The following IGFN1 variants were observed in gnomAD, a reference collection of about 807,000 sequenced individuals.
The protein encoded by IGFN1 is immunoglobulin like and fibronectin type III domain containing 1.
A neutral mutation model predicts 289.5 loss-of-function variants in IGFN1; 253 were observed. The ratio of observed to expected loss-of-function variants is 0.87; its 90% confidence interval spans 0.79 to 0.97. IGFN1 has a LOEUF of 0.97. IGFN1 is among the 50% of genes least tolerant of loss of function. IGFN1 has a pLI of 0.00. For missense variants in IGFN1, 4,470 were observed against 4,686.1 expected, an observed-to-expected ratio of 0.95 and a Z score of 1.35; for synonymous variants, 1,706 against 1,788.5, an observed-to-expected ratio of 0.95 and a Z score of 1.16.
Position 201,207,919 on chromosome 1 carries a change from A to T in IGFN1, c.3026A>T (p.Tyr1009Phe). The change falls in exon 12 of 24, where the codon TAC becomes TTC. Residue 1009 changes from tyrosine (Y) to phenylalanine (F), a missense_variant. Physicochemically the swap from Tyr to Phe is conservative, Grantham distance 22. Transcript: ENST00000335211. ...AGVESEEGGG[Y>F]RHGSGAPGGV... ...GTGGAGTCTGAGGAAGGGGGTGGGT[A>T]CAGGCATGGCTCCGGAGCGCCTGGG... 2 of 1,536,670 alleles carry T rather than the reference A, an allele frequency of 1.3e-6. No homozygotes were observed. Among genetic ancestry groups the T allele is most frequent in the Non-Finnish European group, 1.7e-6 (2 of 1,146,732 alleles).
In IGFN1 at chr1:201,211,406, G is replaced by A; in HGVS notation, c.6513G>A (p.Gly2171=). Residue 2171 remains glycine, a synonymous_variant, in exon 12 of 24, where the codon GGG becomes GGA. Coordinates refer to ENST00000335211, the MANE Select transcript of IGFN1 (RefSeq NM_001164586.2). ...RDGLGSSGEM[G]SMDEAGYRKD... is the part of the protein sequence containing the mutation. ...GTTTAGGGAGTTCTGGGGAAATGGG[G>A]TCAATGGATGAGGCAGGTTATAGGA... The A allele has an allele frequency of 1.3e-6, 2 of 1,492,528 alleles. No homozygotes were observed. Among genetic ancestry groups the A allele is most frequent in the South Asian group, 2.5e-5 (2 of 79,974 alleles). 92.5% of individuals were successfully genotyped at this position (1,492,528 alleles called of 1,614,324 possible).
rs1667897069 is a variant in IGFN1, at chr1:201,212,925, C to A, written c.8032C>A (p.Pro2678Thr). 4 of 1,551,360 alleles carry A rather than the reference C, an allele frequency of 2.6e-6. No homozygotes were observed. The African/African-American group carries it at 5.5e-5, about 21-fold the overall frequency. Residue 2678 changes from proline (P) to threonine (T), a missense_variant, in exon 12 of 24, where the codon CCA becomes ACA. By Grantham distance (38) the Pro-to-Thr change is conservative. Transcript: ENST00000335211. ...GGGCTTTAAGGGTGGGGAGGGTGCACCAGGCCAAGAGGCGGCTGGTGGATG... is the reference window on the plus strand; with the variant it reads ...GGGCTTTAAGGGTGGGGAGGGTGCAACAGGCCAAGAGGCGGCTGGTGGATG... ...PGGFKGGEGA[P>T]GQEAAGGCRS...
At position 201,208,416 on chromosome 1, in the gene IGFN1, G is replaced by A; in HGVS notation, c.3523G>A (p.Ala1175Thr). Residue 1175 changes from alanine to threonine, a missense_variant, in exon 12 of 24, where the codon GCC becomes ACC. Transcript: ENST00000335211. ...TGGGACAAGATGCCCTGGTGCTAAG[G>A]CCTCTGGAGCTGGAGCTGGTTATAG... ...GDGTRCPGAK[A>T]SGAGAGYRDD... 1 of 1,448,110 alleles carries A rather than the reference G, an allele frequency of 6.9e-7. No individual in the cohort carries two copies. The highest frequency in any genetic ancestry group is 9.0e-7 in the Non-Finnish European group (1 of 1,108,116). 89.7% of individuals were successfully genotyped at this position (1,448,110 alleles called of 1,614,324 possible). A position where few individuals can be genotyped will look rare whatever the true frequency, so the allele number is the denominator to read the frequency against.
chr1:201,200,268 C>A lies in IGFN1; in HGVS notation c.490C>A (p.Leu164Ile). ...APPAPKKKMDLEQIWQLLMTA... is the reference protein window; with the variant it reads ...APPAPKKKMDIEQIWQLLMTA... ...ACCAGCCCCCAAGAAAAAGATGGACCTTGAGCAGATATGGCAGCTGCTGAT... is the reference window on the plus strand; with the variant it reads ...ACCAGCCCCCAAGAAAAAGATGGACATTGAGCAGATATGGCAGCTGCTGAT... Residue 164 changes from leucine (L) to isoleucine (I), a missense_variant, in exon 8 of 24, where the codon CTT (leucine) becomes ATT (isoleucine). Coordinates refer to ENST00000335211, the MANE Select transcript of IGFN1 (RefSeq NM_001164586.2). 3 of 1,551,828 alleles carry A rather than the reference C, an allele frequency of 1.9e-6. No individual in the cohort carries two copies. Among genetic ancestry groups the A allele is most frequent in the Non-Finnish European group, 2.6e-6 (3 of 1,147,002 alleles).
intron 23 of IGFN1, among the ~76,000 whole-genome samples, 200 bp from the exon 24 acceptor site, chr1:201,228,186 G>C (rs1654235315): frequency 6.6e-6 from 1 of 152,192 alleles, no homozygotes; most frequent in South Asian, 2.1e-4. Context: ...TGGCATTGGG[G>C]GTGATTATGG....
chr1:201,199,244 C>T (rs1667046689), intron 5 of IGFN1, 90 bp from the exon 6 acceptor site: 1 of 1,118,860 alleles, frequency 8.9e-7, no homozygotes, highest in South Asian at 1.3e-5. Flanking sequence ...TCTGGGACTC[C>T]ATCAGTTTCT....
chr1:201,218,591 T>G lies in IGFN1; in HGVS notation c.9831T>G (p.Ala3277=). The G allele has an allele frequency of 6.2e-7, 1 of 1,613,152 alleles. No individual in the cohort carries two copies. Among genetic ancestry groups the G allele is most frequent in the South Asian group, 1.1e-5 (1 of 91,048 alleles). The change falls in exon 18 of 24, where the codon GCT becomes GCG. Residue 3277 remains alanine, a synonymous_variant. Coordinates refer to ENST00000335211, the MANE Select transcript of IGFN1 (RefSeq NM_001164586.2). The stretch of plus-strand genomic sequence containing the variant: ...GTCAGTATGAGTTCCGGGTCACAGC[T>G]GTGGCTCCCTCAGGTCCCGGAGAGC... ...QGCQYEFRVT[A]VAPSGPGEPG...
Position 201,207,929 on chromosome 1 carries a change from C to G in IGFN1, c.3036C>G (p.Gly1012=), listed in dbSNP as rs1021934475. 2.3e-5 allele frequency: 36 copies of G among 1,536,550 alleles called. No homozygotes were observed. In the Admixed American group the frequency reaches 6.9e-4, roughly 29 times the overall value. Residue 1012 remains glycine (G), a synonymous_variant, in exon 12 of 24, where the codon GGC becomes GGG. Coordinates refer to ENST00000335211, the MANE Select transcript of IGFN1 (RefSeq NM_001164586.2). ...AGGAAGGGGGTGGGTACAGGCATGG[C>G]TCCGGAGCGCCTGGGGGAGTGTGGT... ...ESEEGGGYRH[G]SGAPGGVWSG... is the part of the protein sequence containing the mutation.
intron 9 of IGFN1, 68 bp from the exon 10 acceptor site, chr1:201,203,670 A>G: frequency 6.9e-7 from 1 of 1,450,768 alleles, no homozygotes; most frequent in Non-Finnish European, 9.4e-7. Context: ...TTATAGCCAG[A>G]ATGGGACTGG....
chr1:201,196,607 A>C (rs909540948), intron 4 of IGFN1, among the ~76,000 whole-genome samples: 1 of 152,188 alleles, frequency 6.6e-6, no homozygotes, highest in Non-Finnish European at 1.5e-5. Flanking sequence ...GGCATCCCAA[A>C]GTGCTGGGAT....
At position 201,203,795 on chromosome 1, in the gene IGFN1, C is replaced by G; in HGVS notation, c.805C>G (p.Leu269Val). 1 of 1,551,712 alleles carries G rather than the reference C, an allele frequency of 6.4e-7. No individual in the cohort carries two copies. Among genetic ancestry groups the G allele is most frequent in the Non-Finnish European group, 8.7e-7 (1 of 1,147,032 alleles). ...NNQTKHCLRR[L>V]GKRYEFQIQD... ...CCAAACCAAGCACTGTCTGCGCCGGCTGGGGAAGCGCTATGAGTTCCAGAT... is the reference window on the plus strand; with the variant it reads ...CCAAACCAAGCACTGTCTGCGCCGGGTGGGGAAGCGCTATGAGTTCCAGAT... The change falls in exon 10 of 24, where the codon CTG becomes GTG. Residue 269 changes from leucine to valine, a missense_variant. By Grantham distance (32) the Leu-to-Val change is conservative (BLOSUM62 1). This residue lies in a region of IGFN1 where 2,011 missense variants were observed against 1,953.4 expected (regional missense o/e 1.03). Coordinates refer to ENST00000335211, the MANE Select transcript of IGFN1 (RefSeq NM_001164586.2).
rs1304571006 is a variant in IGFN1, at chr1:201,207,301, C to T, written c.2408C>T (p.Ser803Leu). 2.4e-5 allele frequency: 37 copies of T among 1,536,518 alleles called. No individual in the cohort carries two copies. The highest frequency in any genetic ancestry group is 8.2e-5 in the African/African-American group (6 of 73,002). ...GRDGQETAWASGEVEYDPRSF... is the reference protein window; with the variant it reads ...GRDGQETAWALGEVEYDPRSF... ...GATGGCCAGGAAACAGCTTGGGCCT[C>T]GGGTGAGGTAGAGTATGACCCCAGA... The change falls in exon 12 of 24, where the codon TCG becomes TTG. Residue 803 changes from serine (S) to leucine (L), a missense_variant. Physicochemically the swap from Ser to Leu is moderately radical, Grantham distance 145. Transcript: ENST00000335211.
At chr1:201,218,699 A>T (rs751618966) in intron 18 of IGFN1, 41 bp downstream of exon 18, 2 of 1,581,822 alleles carry the variant, frequency 1.3e-6, no homozygotes, top group African/African-American at 1.3e-5. Context: ...GGAGGTGAGC[A>T]TGGGATAGCC....
In IGFN1 at chr1:201,212,285, C is replaced by T. The variant is rs1042203951; in HGVS notation, c.7392C>T (p.Thr2464=). 1.4e-5 allele frequency: 21 copies of T among 1,536,170 alleles called. No individual in the cohort carries two copies. The highest frequency in any genetic ancestry group is 1.7e-4 in the Middle Eastern group (1 of 6,008). ...CTCTTTCAGATGAGCGAGGCTCCAC[C>T]AAAGATCTTGGGGGCTATGGAACTT... ...RQTLSDERGS[T]KDLGGYGTSG... is the part of the protein sequence containing the mutation. The change falls in exon 12 of 24, where the codon ACC becomes ACT. Residue 2464 remains threonine (T), a synonymous_variant. Transcript: ENST00000335211.
rs1177382270 is a variant in IGFN1, at chr1:201,218,658, A to T, written c.9898A>T (p.Arg3300Ter). The change falls in exon 18 of 24, where the codon AGA becomes TGA. Residue 3300 changes from arginine (R) to a stop codon, truncating the protein, a stop_gained and splice_region_variant. Transcript: ENST00000335211. LOFTEE classifies it high-confidence loss of function. ...TGCTGTCTTTGCTCGGGACCCCATG[A>T]GTAAGTAGGGCACCAACCCAGGATG... ...SDAVFARDPM[R>*]PPGLVRNLQV... 23 of 1,602,650 alleles carry T rather than the reference A, an allele frequency of 1.4e-5. No homozygotes were observed. Among genetic ancestry groups the T allele is most frequent in the Non-Finnish European group, 2.0e-5 (23 of 1,178,458 alleles).
intron 2 of IGFN1, 92 bp downstream of exon 2, chr1:201,193,392 G>A: frequency 1.1e-6 from 1 of 872,282 alleles, no homozygotes; most frequent in Non-Finnish European, 1.8e-6. Context: ...AGAGATTTCT[G>A]GGAACTTGCC....
chr1:201,218,531 G>A lies in IGFN1; in HGVS notation c.9771G>A (p.Glu3257=). 1 of 1,612,330 alleles carries A rather than the reference G, an allele frequency of 6.2e-7. No homozygotes were observed. Among genetic ancestry groups the A allele is most frequent in the Non-Finnish European group, 8.5e-7 (1 of 1,179,382 alleles). ...WTAVNDQPVP[E]RRWTVADVRQ... is the part of the protein sequence containing the mutation. The stretch of plus-strand genomic sequence containing the variant: ...CTCACATGGGCGGGCTGTTCACAGA[G>A]AGGAGGTGGACGGTGGCGGACGTGC... The change falls in exon 18 of 24, where the codon GAG becomes GAA. Residue 3257 remains glutamate, a splice_region_variant and synonymous_variant. Transcript: ENST00000335211.
rs1667753755 is a variant in IGFN1 at position 201,211,129 on chromosome 1, G to A, written c.6236G>A (p.Gly2079Glu). 6.5e-7 allele frequency: 1 copy of A among 1,529,032 alleles called. No individual in the cohort carries two copies. Among genetic ancestry groups the A allele is most frequent in the South Asian group, 1.2e-5 (1 of 83,766 alleles). 94.7% of individuals were successfully genotyped at this position (1,529,032 alleles called of 1,614,324 possible). A position where few individuals can be genotyped will look rare whatever the true frequency, so the allele number is the denominator to read the frequency against. ...AGGAAGGATTTAGGGGCTCCTAAGG[G>A]AATGGGTTCAGGGAGTAAGACAGGT... The part of the protein sequence containing the change: ...GYRKDLGAPK[G>E]MGSGSKTGFR... The change falls in exon 12 of 24, where the codon GGA (glycine) becomes GAA (glutamate). Residue 2079 changes from glycine to glutamate, a missense_variant. Physicochemically the swap from Gly to Glu is moderately conservative, Grantham distance 98. This residue lies in a region of IGFN1 where 2,218 missense variants were observed against 2,114.1 expected (regional missense o/e 1.05). Transcript: ENST00000335211.
chr1:201,208,329 G>T lies in IGFN1; in HGVS notation c.3436G>T (p.Gly1146Trp), dbSNP rs536971704. ...FGEGGYEDGS[G>W]GPGAMGPGSL... ...AGAAGGAGGCTATGAAGATGGCTCT[G>T]GGGGTCCAGGAGCCATGGGACCAGG... The change falls in exon 12 of 24, where the codon GGG becomes TGG. Residue 1146 changes from glycine (G) to tryptophan (W), a missense_variant. Gly to Trp is a radical substitution (Grantham distance 184). Around this residue, in one of 8 missense-constraint regions of IGFN1, gnomAD observed 2,011 missense variants for 1,953.4 expected, o/e 1.03. Transcript: ENST00000335211. 6.7e-7 allele frequency: 1 copy of T among 1,501,048 alleles called. No homozygotes were observed. Among genetic ancestry groups the T allele is most frequent in the African/African-American group, 1.4e-5 (1 of 71,146 alleles). 93.0% of individuals were successfully genotyped at this position (1,501,048 alleles called of 1,614,324 possible).
Sources: gnomAD v4.1 joint callset for allele counts (sites outside exome capture counted in the v4.1 genomes callset) on GRCh38, gnomAD v4.1.1 for gene constraint, gnomAD v4.1.1 regional missense constraint, MANE v1.5 for transcripts, NCBI Gene and HGNC (gene_info 2026-07-23, HGNC 2026-07-21) for gene names.